Variants in SMAD6 observed in about 807,000 individuals in gnomAD.
SMAD6 encodes SMAD family member 6, also known as MAD homolog 6.
SMAD6 carries 103 observed loss-of-function variants against 39.4 expected under a neutral mutation model. The ratio of observed to expected loss-of-function variants is 2.62; its 90% CI spans 2.23 to 3.08. SMAD6 has a LOEUF of 3.08. SMAD6 is among the 30% of genes most tolerant of loss of function. The pLI, the probability that SMAD6 is intolerant of heterozygous loss-of-function variation, is 0.00. For synonymous variants in SMAD6, 445 were observed against 353.3 expected, an observed-to-expected ratio of 1.26 and a Z score of -2.91; for missense variants, 1,104 against 742.9, an observed-to-expected ratio of 1.49 and a Z score of -5.65.
chr15:66,779,636 G>A (rs1006770821), intron 3 of SMAD6, among the ~76,000 whole-genome samples: 21 of 152,376 alleles, frequency 1.4e-4, no homozygotes, highest in African/African-American at 3.4e-4. Context: ...AGGCAAAGGC[G>A]TCCAGAGCTG....
At chr15:66,752,140 A>C (rs1894018143) in intron 3 of SMAD6, among the ~76,000 whole-genome samples, 1 of 150,572 alleles carries the variant, frequency 6.6e-6, no homozygotes, top group Non-Finnish European at 1.5e-5. Flanking sequence ...CCCACTTTCA[A>C]GCTGAAGTCA....
At position 66,781,338 on chromosome 15, in the gene SMAD6, C is replaced by G. The variant is rs758115595; in HGVS notation, c.1294C>G (p.Pro432Ala). 5 of 1,598,890 alleles carry G rather than the reference C, an allele frequency of 3.1e-6. No homozygotes were observed. Among genetic ancestry groups the G allele is most frequent in the Non-Finnish European group, 4.3e-6 (5 of 1,174,410 alleles). ...CGCCCTGGTCGTGCGCAAGGTGCCC[C>G]CCGGCTACTCCATCAAGGTGTTCGA... ...GRALVVRKVP[P>A]GYSIKVFDFE... Residue 432 changes from proline (P) to alanine (A), a missense_variant, in exon 4 of 4, where the codon CCC (proline) becomes GCC (alanine). Coordinates refer to ENST00000288840, the MANE Select transcript of SMAD6 (RefSeq NM_005585.5).
At position 66,703,926 on chromosome 15, in the gene SMAD6, A is replaced by T; in HGVS notation, c.668A>T (p.Gln223Leu). The T allele has an allele frequency of 3.0e-6, 4 of 1,327,648 alleles. No homozygotes were observed. Among genetic ancestry groups the T allele is most frequent in the Non-Finnish European group, 3.8e-6 (4 of 1,041,952 alleles). 82.2% of individuals were successfully genotyped at this position (1,327,648 alleles called of 1,614,324 possible). The change falls in exon 1 of 4, where the codon CAG becomes CTG. Residue 223 changes from glutamine (Q) to leucine (L), a missense_variant. Gln to Leu is a moderately radical substitution (Grantham distance 113, BLOSUM62 -2). Coordinates refer to ENST00000288840, the MANE Select transcript of SMAD6 (RefSeq NM_005585.5). Reference sequence around the variant, plus strand: ...CTGGGCGGCCAGCCCGCGCCGCCGCAGCTGCTGCTCGGCCGCCTCTTTCGC... The same window carrying T: ...CTGGGCGGCCAGCCCGCGCCGCCGCTGCTGCTGCTCGGCCGCCTCTTTCGC... ...LRLGGQPAPP[Q>L]LLLGRLFRWP...
intron 3 of SMAD6, among the ~76,000 whole-genome samples, chr15:66,744,784 C>T (rs549103629): frequency 6.6e-6 from 1 of 152,298 alleles, no homozygotes; most frequent in African/African-American, 2.4e-5. Context: ...TGCCCACAGC[C>T]CTCATCGCCA....
intron 3 of SMAD6, among the ~76,000 whole-genome samples, chr15:66,764,516 T>A (rs1243108038): frequency 1.3e-5 from 2 of 152,208 alleles, no homozygotes; most frequent in African/African-American, 4.8e-5. Flanking sequence ...GTCATCTGTC[T>A]TGTCACATCA....
Position 66,703,128 on chromosome 15 carries a change from G to T in SMAD6, c.-131G>T, listed in dbSNP as rs1893011172. ...GCCCCTTCGACGACAGGCTGTGCGC[G>T]GTCTGCACGGCGCTCCGCGGCGGAG... is the stretch of plus-strand genomic sequence containing the variant. On this transcript the variant is annotated 5_prime_UTR_variant, in exon 1 of 4. Transcript: ENST00000288840. 3.4e-6 allele frequency: 2 copies of T among 591,422 alleles called. No individual in the cohort carries two copies. The highest frequency in any genetic ancestry group is 5.3e-6 in the Non-Finnish European group (2 of 380,008). 36.6% of individuals were successfully genotyped at this position (591,422 alleles called of 1,614,324 possible). A position where few individuals can be genotyped will look rare whatever the true frequency, so the allele number is the denominator to read the frequency against.
intron 3 of SMAD6, among the ~76,000 whole-genome samples, chr15:66,769,589 C>G (rs1894346579): frequency 6.6e-6 from 1 of 152,112 alleles, no homozygotes; most frequent in African/African-American, 2.4e-5. Context: ...GGTACCTTAC[C>G]TGGTTACCCC....
intron 3 of SMAD6, among the ~76,000 whole-genome samples, chr15:66,744,470 G>A (rs896141715): frequency 3.3e-5 from 5 of 152,200 alleles, no homozygotes; most frequent in Non-Finnish European, 7.3e-5. Context: ...TGAGGGTGGG[G>A]CCATGGCCAC....
At position 66,781,452 on chromosome 15, in the gene SMAD6, A is replaced by G. The variant is rs1403725334; in HGVS notation, c.1408A>G (p.Lys470Glu). Residue 470 changes from lysine to glutamate, a missense_variant, in exon 4 of 4, where the codon AAG becomes GAG. Transcript: ENST00000288840. Reference sequence around the variant, plus strand: ...CAACAGCGTCCGCATCAGCTTCGCCAAGGGCTGGGGGCCCTGCTACTCCCG... The same window carrying G: ...CAACAGCGTCCGCATCAGCTTCGCCGAGGGCTGGGGGCCCTGCTACTCCCG... ...DPNSVRISFAKGWGPCYSRQF... is the reference protein window; with the variant it reads ...DPNSVRISFAEGWGPCYSRQF... 1 of 1,605,234 alleles carries G rather than the reference A, an allele frequency of 6.2e-7. No homozygotes were observed. The highest frequency in any genetic ancestry group is 1.1e-5 in the South Asian group (1 of 90,928).
At chr15:66,775,441 A>G (rs1003488190) in intron 3 of SMAD6, among the ~76,000 whole-genome samples, 2 of 152,172 alleles carry the variant, frequency 1.3e-5, no homozygotes, top group Non-Finnish European at 2.9e-5. Flanking sequence ...TAGTCCTAGC[A>G]ACATTAACTA....
chr15:66,723,414 G>T (rs1446905713), intron 3 of SMAD6, among the ~76,000 whole-genome samples: 1 of 152,218 alleles, frequency 6.6e-6, no homozygotes, highest in East Asian at 1.9e-4. Flanking sequence ...GCAGCTGGGT[G>T]TGGTGGCTTG....
intron 3 of SMAD6, among the ~76,000 whole-genome samples, chr15:66,773,993 G>C (rs549240262): frequency 3.7e-4 from 56 of 152,238 alleles, no homozygotes; most frequent in African/African-American, 1.3e-3. Context: ...GCAAAGACTT[G>C]GAAGGTGAAG....
chr15:66,771,224 T>C (rs1595798850), intron 3 of SMAD6, among the ~76,000 whole-genome samples: 1 of 152,158 alleles, frequency 6.6e-6, no homozygotes, highest in African/African-American at 2.4e-5. Flanking sequence ...TAAGGCCTAA[T>C]ATCTCCTGGG....
intron 3 of SMAD6, among the ~76,000 whole-genome samples, chr15:66,752,364 C>T (rs532911933): frequency 1.3e-5 from 2 of 152,318 alleles, no homozygotes; most frequent in East Asian, 1.9e-4. Flanking sequence ...TGTGTTGGCT[C>T]TCTGTGTAAC....
At chr15:66,764,159 G>T (rs1434734014) in intron 3 of SMAD6, among the ~76,000 whole-genome samples, 1 of 152,214 alleles carries the variant, frequency 6.6e-6, no homozygotes, top group Non-Finnish European at 1.5e-5. Flanking sequence ...AATATTTCCC[G>T]TTAGAGGTCA....
intron 1 of SMAD6, chr15:66,704,323 C>T: frequency 8.3e-6 from 3 of 361,410 alleles, no homozygotes; most frequent in East Asian, 4.0e-5. Flanking sequence ...GTAGTTTTCT[C>T]TGTGCAGTTT....
intron 3 of SMAD6, among the ~76,000 whole-genome samples, chr15:66,748,995 C>T (rs548664643): frequency 1.3e-5 from 2 of 152,236 alleles, no homozygotes; most frequent in Admixed American, 6.5e-5. Flanking sequence ...TCAATTGGTT[C>T]CCCAGGTGCT....
At chr15:66,773,132 C>T (rs1047398146) in intron 3 of SMAD6, among the ~76,000 whole-genome samples, 1 of 146,660 alleles carries the variant, frequency 6.8e-6, no homozygotes, top group Non-Finnish European at 1.5e-5. Context: ...CCAGACCGCC[C>T]GTGATGTAAT....
intron 3 of SMAD6, among the ~76,000 whole-genome samples, chr15:66,741,313 G>C (rs927126296): frequency 6.6e-6 from 1 of 152,014 alleles, no homozygotes; most frequent in African/African-American, 2.4e-5. Context: ...CCCCATTTGA[G>C]GTGGTTTGCC....
Sources: allele counts gnomAD v4.1 joint callset (sites outside exome capture counted in the v4.1 genomes callset), GRCh38; gene constraint gnomAD v4.1.1; transcripts MANE v1.5; gene names NCBI Gene and HGNC (gene_info 2026-07-23, HGNC 2026-07-21).